ADGRL3: variants seen among roughly 807,000 people sequenced by gnomAD.
ADGRL3 encodes calcium-independent alpha-latrotoxin receptor 3.
In ADGRL3, 62 loss-of-function variants were observed where a neutral mutation model predicts 153.5. The observed-to-expected ratio is 0.40, with a 90% CI of 0.33 to 0.50. The LOEUF (loss-of-function observed/expected upper bound fraction) is 0.50. Among genes scored for constraint, ADGRL3 ranks in the 20% least tolerant of loss-of-function variants. The pLI is 0.47. For synonymous variants in ADGRL3, 710 were observed against 672.5 expected, an observed-to-expected ratio of 1.06 and a Z score of -0.86; for missense variants, 1,641 against 1,859.4, an observed-to-expected ratio of 0.88 and a Z score of 2.16.
intron 8 of ADGRL3, among the ~76,000 whole-genome samples, chr4:61,746,327 G>C (rs916035593): frequency 2.6e-5 from 4 of 151,336 alleles, no homozygotes; most frequent in Non-Finnish European, 5.9e-5. Flanking sequence ...GGATACCCAG[G>C]AATTGAAGTC....
intron 6 of ADGRL3, among the ~76,000 whole-genome samples, chr4:61,685,730 T>C (rs2095430265): frequency 6.6e-6 from 1 of 152,160 alleles, no homozygotes; most frequent in South Asian, 2.1e-4. Context: ...CCACTACTGA[T>C]AATGAAAATC....
intron 4 of ADGRL3, among the ~76,000 whole-genome samples, chr4:61,566,269 T>C (rs1003092195): frequency 1.3e-5 from 2 of 152,186 alleles, no homozygotes; most frequent in Admixed American, 1.3e-4. Flanking sequence ...GTCATTTCTC[T>C]GTGTGTGTCT....
chr4:62,006,025 TA>T (rs1290023566), intron 21 of ADGRL3, among the ~76,000 whole-genome samples: 35 of 102,612 alleles, frequency 3.4e-4, no homozygotes, highest in African/African-American at 1.2e-3. Context: ...TATATATATA[TA>T]TATATATTTT....
At chr4:61,922,704 C>A (rs1409713175) in intron 13 of ADGRL3, among the ~76,000 whole-genome samples, 1 of 152,050 alleles carries the variant, frequency 6.6e-6, no homozygotes, top group Non-Finnish European at 1.5e-5. Flanking sequence ...TAGATTTATT[C>A]ATTCATTCAA....
At chr4:61,517,687 G>T (rs1361544475) in intron 4 of ADGRL3, among the ~76,000 whole-genome samples, 169 bp downstream of exon 4, 1 of 151,914 alleles carries the variant, frequency 6.6e-6, no homozygotes, top group African/African-American at 2.4e-5. Context: ...TTTTTTTAAG[G>T]CTTATACAAT....
At chr4:61,682,251 C>T (rs576533807) in intron 6 of ADGRL3, among the ~76,000 whole-genome samples, 2 of 151,960 alleles carry the variant, frequency 1.3e-5, no homozygotes, top group South Asian at 4.1e-4. Context: ...AAATGTTCCT[C>T]TCTCTGTATC....
intron 9 of ADGRL3, among the ~76,000 whole-genome samples, chr4:61,870,332 A>AAT (rs2098436499): frequency 6.6e-6 from 1 of 152,224 alleles, no homozygotes; most frequent in Non-Finnish European, 1.5e-5. Flanking sequence ...CATAAATCTA[A>AAT]GCATAAGAGC....
chr4:61,967,323 A>G (rs2099010609), intron 17 of ADGRL3, among the ~76,000 whole-genome samples: 1 of 152,158 alleles, frequency 6.6e-6, no homozygotes, highest in African/African-American at 2.4e-5. Flanking sequence ...CCTTTATTTA[A>G]TAAAATAACT....
At chr4:61,645,748 C>G (rs954264239) in intron 5 of ADGRL3, among the ~76,000 whole-genome samples, 1 of 152,112 alleles carries the variant, frequency 6.6e-6, no homozygotes, top group Admixed American at 6.5e-5. Flanking sequence ...TTTGGTGAAT[C>G]TGACAATTAT....
intron 21 of ADGRL3, among the ~76,000 whole-genome samples, chr4:62,009,724 G>C (rs752447292): frequency 6.6e-6 from 1 of 152,058 alleles, no homozygotes; most frequent in Non-Finnish European, 1.5e-5. Flanking sequence ...ATGCAATTCA[G>C]TTTTGAAACT....
intron 2 of ADGRL3, chr4:61,420,812 A>G (rs2097197859): frequency 7.1e-6 from 1 of 139,960 alleles, no homozygotes; most frequent in South Asian, 2.3e-4. Flanking sequence ...AAAAAAGTCT[A>G]CTTACATTTG....
intron 5 of ADGRL3, among the ~76,000 whole-genome samples, chr4:61,647,520 G>T (rs1019942083): frequency 6.6e-6 from 1 of 152,034 alleles, no homozygotes; most frequent in African/African-American, 2.4e-5. Context: ...TTGTACGTGA[G>T]GGGGAAAAAG....
At chr4:61,305,512 C>A (rs1336924445) in intron 1 of ADGRL3, among the ~76,000 whole-genome samples, 2 of 152,012 alleles carry the variant, frequency 1.3e-5, no homozygotes, top group African/African-American at 2.4e-5. Flanking sequence ...CTGGGGCAAA[C>A]CTTTTCTAAA....
intron 6 of ADGRL3, among the ~76,000 whole-genome samples, chr4:61,687,353 T>G (rs2151071780): frequency 6.6e-6 from 1 of 152,092 alleles, no homozygotes; most frequent in Admixed American, 6.6e-5. Context: ...ACAAATGTCC[T>G]TATAAGAGGA....
intron 2 of ADGRL3, among the ~76,000 whole-genome samples, chr4:61,445,456 T>A (rs2097571776): frequency 1.3e-5 from 2 of 152,224 alleles, no homozygotes; most frequent in South Asian, 4.1e-4. Flanking sequence ...GTTCACTGTT[T>A]AACTTGGGTT....
At chr4:61,593,932 A>G (rs189306780) in intron 5 of ADGRL3, among the ~76,000 whole-genome samples, 133 of 152,194 alleles carry the variant, frequency 8.7e-4, no homozygotes, top group Non-Finnish European at 1.6e-3. Flanking sequence ...TTTAAAGACA[A>G]TAACTCTTAG....
intron 21 of ADGRL3, among the ~76,000 whole-genome samples, chr4:62,001,184 A>G (rs1181694491): frequency 6.6e-6 from 1 of 152,324 alleles, no homozygotes; most frequent in East Asian, 1.9e-4. Context: ...AATTACTTTT[A>G]TAGTTGTGAT....
chr4:61,703,423 T>C (rs2095802291), intron 6 of ADGRL3, among the ~76,000 whole-genome samples: 1 of 152,114 alleles, frequency 6.6e-6, no homozygotes, highest in African/African-American at 2.4e-5. Flanking sequence ...ATTACTAAGC[T>C]TGAGGAGTGA....
chr4:61,544,351 A>G (rs2098704011), intron 4 of ADGRL3, among the ~76,000 whole-genome samples: 1 of 152,156 alleles, frequency 6.6e-6, no homozygotes. Context: ...CTTCAGTACC[A>G]ATTAGCTATT....
Sources: allele counts gnomAD v4.1 joint callset (sites outside exome capture counted in the v4.1 genomes callset), GRCh38; gene constraint gnomAD v4.1.1; transcripts MANE v1.5; gene names NCBI Gene and HGNC (gene_info 2026-07-23, HGNC 2026-07-21).